The following LELP1 variants were observed in gnomAD, a reference collection of about 807,000 sequenced individuals.
LELP1 encodes the protein late cornified envelope-like proline-rich protein 1.
In LELP1, 1 loss-of-function variant was observed where a neutral mutation model predicts 0.3. The observed-to-expected ratio is 2.87, with a 90% CI of 1.02 to 13.63. LELP1 has a LOEUF of 13.63. Among genes scored for constraint, LELP1 ranks in the 30% most tolerant of loss-of-function variants. LELP1 has a pLI of 0.12. For missense variants in LELP1, 122 were observed against 118.7 expected, an observed-to-expected ratio of 1.03 and a Z score of -0.13; for synonymous variants, 57 against 45.9, an observed-to-expected ratio of 1.24 and a Z score of -0.97.
Position 153,204,901 on chromosome 1 carries a change from C to A in LELP1, c.194C>A (p.Ser65Tyr), listed in dbSNP as rs1023928350. The change falls in exon 2 of 2, where the codon TCT becomes TAT. Residue 65 changes from serine to tyrosine, a missense_variant. By Grantham distance (144) the Ser-to-Tyr change is moderately radical (BLOSUM62 -2). Coordinates refer to ENST00000368747, the MANE Select transcript of LELP1 (RefSeq NM_001010857.3). The part of the protein sequence containing the change: ...PPKCLPCPSQ[S>Y]PSSCPPQPCT... Reference sequence around the variant, plus strand: ...AAGTGCCTGCCCTGCCCCTCGCAGTCTCCTTCATCCTGCCCTCCCCAGCCC... The same window carrying A: ...AAGTGCCTGCCCTGCCCCTCGCAGTATCCTTCATCCTGCCCTCCCCAGCCC... 1 of 1,613,950 alleles carries A rather than the reference C, an allele frequency of 6.2e-7. No homozygotes were observed. The highest frequency in any genetic ancestry group is 1.7e-5 in the Admixed American group (1 of 60,012).
At chr1:153,204,648 T>A in intron 1 of LELP1, 39 bp from the exon 2 acceptor site, 1 of 1,409,124 alleles carries the variant, frequency 7.1e-7, no homozygotes, top group Non-Finnish European at 1.0e-6. Flanking sequence ...CCTGTAGGTA[T>A]CCTCTCCCAC....
chr1:153,204,752 G>A lies in LELP1; in HGVS notation c.45G>A (p.Glu15=). 6.2e-7 allele frequency: 1 copy of A among 1,614,106 alleles called. No homozygotes were observed. Among genetic ancestry groups the A allele is most frequent in the Non-Finnish European group, 8.5e-7 (1 of 1,179,952 alleles). Reference sequence around the variant, plus strand: ...GTAAATCAAATGACCCCAAGACTGAGCCCAAGAACTGCGATCCCAAGTGTG... The same window carrying A: ...GTAAATCAAATGACCCCAAGACTGAACCCAAGAACTGCGATCCCAAGTGTG... ...DKSKSNDPKT[E]PKNCDPKCEQ... is the part of the protein sequence containing the mutation. Residue 15 remains glutamate, a synonymous_variant, in exon 2 of 2, where the codon GAG becomes GAA. Coordinates refer to ENST00000368747, the MANE Select transcript of LELP1 (RefSeq NM_001010857.3).
Position 153,204,442 on chromosome 1 carries a change from G to T in LELP1, c.-21-245G>T, listed in dbSNP as rs575312595. ...GGAGGTGGGGGGTCCAAAACCATAG[G>T]TTAAGAACTCCTACTAGAGTCTATA... is the stretch of plus-strand genomic sequence containing the variant. On this transcript the variant is annotated intron_variant, in intron 1 of 1. Transcript: ENST00000368747. 7.9e-5 allele frequency among the ~76,000 whole-genome samples: 12 copies of T among 152,268 alleles called. No homozygotes were observed. The South Asian group carries it at 8.3e-4, about 11-fold the overall frequency.
Position 153,204,833 on chromosome 1 carries a change from C to T in LELP1, c.126C>T (p.Arg42=). ...QPSCLKKLLQ[R]CFEKCPWEKC... is the part of the protein sequence containing the mutation. ...GCTGTTTAAAGAAGCTGCTGCAACG[C>T]TGTTTCGAAAAGTGCCCATGGGAAA... is the stretch of plus-strand genomic sequence containing the variant. Residue 42 remains arginine, a synonymous_variant, in exon 2 of 2, where the codon CGC becomes CGT. Coordinates refer to ENST00000368747, the MANE Select transcript of LELP1 (RefSeq NM_001010857.3). The T allele has an allele frequency of 6.2e-7, 1 of 1,614,188 alleles. No individual in the cohort carries two copies.
In LELP1 at chr1:153,205,067, G is replaced by A. The variant is rs376309777; in HGVS notation, c.*63G>A. 11 of 1,266,984 alleles carry A rather than the reference G, an allele frequency of 8.7e-6. No homozygotes were observed. In the East Asian group the frequency reaches 1.9e-4, roughly 22 times the overall value. 78.5% of individuals were successfully genotyped at this position (1,266,984 alleles called of 1,614,324 possible). ...ACCTCCACCATGTACAACGCTGTGGGGCTGGAGACTGAAACCATGAACTGA... is the reference window on the plus strand; with the variant it reads ...ACCTCCACCATGTACAACGCTGTGGAGCTGGAGACTGAAACCATGAACTGA... On this transcript the variant is annotated 3_prime_UTR_variant, in exon 2 of 2. Transcript: ENST00000368747.
Position 153,204,967 on chromosome 1 carries a change from C to T in LELP1, c.260C>T (p.Pro87Leu). The change falls in exon 2 of 2, where the codon CCA (proline) becomes CTA (leucine). Residue 87 changes from proline to leucine, a missense_variant. Coordinates refer to ENST00000368747, the MANE Select transcript of LELP1 (RefSeq NM_001010857.3). ...PCPPKCPSSC[P>L]HACPPPCPPP... ...CCTCCTAAATGCCCTTCATCCTGCC[C>T]ACATGCTTGCCCACCTCCCTGCCCT... The T allele has an allele frequency of 1.2e-6, 2 of 1,613,934 alleles. No homozygotes were observed. The highest frequency in any genetic ancestry group is 1.3e-5 in the African/African-American group (1 of 75,012).
Position 153,204,804 on chromosome 1 carries a change from C to T in LELP1, c.97C>T (p.Pro33Ser), listed in dbSNP as rs756447063. 2 of 1,614,142 alleles carry T rather than the reference C, an allele frequency of 1.2e-6. No homozygotes were observed. Among genetic ancestry groups the T allele is most frequent in the East Asian group, 2.2e-5 (1 of 44,880 alleles). ...ACAAAAGTGTGAGTCCAAATGCCAGCCCAGCTGTTTAAAGAAGCTGCTGCA... is the reference window on the plus strand; with the variant it reads ...ACAAAAGTGTGAGTCCAAATGCCAGTCCAGCTGTTTAAAGAAGCTGCTGCA... Reference protein sequence around the residue: ...CEQKCESKCQPSCLKKLLQRC... With the variant: ...CEQKCESKCQSSCLKKLLQRC... The change falls in exon 2 of 2, where the codon CCC (proline) becomes TCC (serine). Residue 33 changes from proline (P) to serine (S), a missense_variant. By Grantham distance (74) the Pro-to-Ser change is moderately conservative. Transcript: ENST00000368747.
chr1:153,204,606 C>G, intron 1 of LELP1, 81 bp from the exon 2 acceptor site: 1 of 1,036,280 alleles, frequency 9.6e-7, no homozygotes, highest in Non-Finnish European at 1.5e-6. Flanking sequence ...TCAGGGAAGA[C>G]TTTCTTAAGT....
intron 1 of LELP1, among the ~76,000 whole-genome samples, chr1:153,204,128 C>T (rs1657704516): frequency 6.6e-6 from 1 of 152,140 alleles, no homozygotes; most frequent in Non-Finnish European, 1.5e-5. Flanking sequence ...ACTTTCCCTC[C>T]CATGGCCTCT....
At chr1:153,204,562 TAAA>T (rs1385835655) in intron 1 of LELP1, 122 bp from the exon 2 acceptor site, 5 of 721,372 alleles carry the variant, frequency 6.9e-6, no homozygotes, top group Non-Finnish European at 1.2e-5. Context: ...AGGGCGGCCC[TAAA>T]TGAGAAGATG....
Position 153,204,672 on chromosome 1 carries a change from C to T in LELP1, c.-21-15C>T. 1 of 1,585,148 alleles carries T rather than the reference C, an allele frequency of 6.3e-7. No individual in the cohort carries two copies. Among genetic ancestry groups the T allele is most frequent in the Non-Finnish European group, 8.7e-7 (1 of 1,154,562 alleles). On this transcript the variant is annotated splice_polypyrimidine_tract_variant and intron_variant, in intron 1 of 1. Coordinates refer to ENST00000368747, the MANE Select transcript of LELP1 (RefSeq NM_001010857.3). ...ATCCTCTCCCACCTACAATGCATCT[C>T]ATATTTCTTTGCAGGGCTCAGATAA...
intron 1 of LELP1, among the ~76,000 whole-genome samples, chr1:153,203,900 C>T (rs1657701322): frequency 6.6e-6 from 1 of 152,178 alleles, no homozygotes; most frequent in Non-Finnish European, 1.5e-5. Context: ...GCAGAAATGC[C>T]TAGCTCAGGG....
chr1:153,203,944 C>A (rs1046847367), intron 1 of LELP1, among the ~76,000 whole-genome samples: 2 of 152,156 alleles, frequency 1.3e-5, no homozygotes, highest in African/African-American at 4.8e-5. Context: ...GAATTCCCTT[C>A]TGAAAATCAC....
rs77806119 is a variant in LELP1 at position 153,205,017 on chromosome 1, A to C, written c.*13A>C. 4,212 of 1,591,944 alleles carry C rather than the reference A, an allele frequency of 2.6e-3. 85 individuals carry two copies. The African/African-American group carries it at 0.049, about 19-fold the overall frequency. On this transcript the variant is annotated 3_prime_UTR_variant, in exon 2 of 2. Transcript: ENST00000368747. The stretch of plus-strand genomic sequence containing the variant: ...TCCCCCAGAGTGAGGCACTGTGGGC[A>C]CTACCCAACCCCACCACCACTGCCA...
intron 1 of LELP1, 119 bp from the exon 2 acceptor site, chr1:153,204,567 GA>G (rs1657711133): frequency 4.1e-6 from 3 of 731,344 alleles, no homozygotes; most frequent in Non-Finnish European, 7.0e-6. Context: ...GGCCCTAAAT[GA>G]GAAGATGATC....
rs1657712141 is a variant in LELP1 at position 153,204,616 on chromosome 1, T to A, written c.-21-71T>A. On this transcript the variant is annotated intron_variant, in intron 1 of 1. Transcript: ENST00000368747. ...GCATCTCAGGGAAGACTTTCTTAAG[T>A]ACAAGGATAAGCTGTAAGAAGCCTG... 4 of 1,124,422 alleles carry A rather than the reference T, an allele frequency of 3.6e-6. No individual in the cohort carries two copies. In the South Asian group the frequency reaches 4.1e-5, roughly 12 times the overall value. The allele number at this position is 1,124,422 out of a possible 1,614,324, so 69.7% of individuals were successfully genotyped here.
chr1:153,203,891 C>A (rs182142422), intron 1 of LELP1, among the ~76,000 whole-genome samples: 203 of 152,252 alleles, frequency 1.3e-3, no homozygotes, highest in South Asian at 6.6e-3. Context: ...ACTGTCCGTG[C>A]AGAAATGCCT....
intron 1 of LELP1, 21 bp from the exon 2 acceptor site, chr1:153,204,666 G>C: frequency 1.3e-6 from 2 of 1,557,788 alleles, no homozygotes; most frequent in African/African-American, 2.7e-5. Context: ...CACCTACAAT[G>C]CATCTCATAT....
rs866817014 is a variant in LELP1 at position 153,204,803 on chromosome 1, G to A, written c.96G>A (p.Gln32=). The change falls in exon 2 of 2, where the codon CAG becomes CAA. Residue 32 remains glutamine (Q), a synonymous_variant. Transcript: ENST00000368747. The part of the protein sequence containing the change: ...KCEQKCESKC[Q]PSCLKKLLQR... ...AACAAAAGTGTGAGTCCAAATGCCA[G>A]CCCAGCTGTTTAAAGAAGCTGCTGC... The A allele has an allele frequency of 1.2e-6, 2 of 1,614,176 alleles. No individual in the cohort carries two copies. Among genetic ancestry groups the A allele is most frequent in the South Asian group, 2.2e-5 (2 of 91,080 alleles).
Sources: allele counts gnomAD v4.1 joint callset (sites outside exome capture counted in the v4.1 genomes callset), GRCh38; gene constraint gnomAD v4.1.1; transcripts MANE v1.5; gene names NCBI Gene and HGNC (gene_info 2026-07-23, HGNC 2026-07-21).